The following CADM2 variants were observed in gnomAD, a reference collection of about 807,000 sequenced individuals.
The protein encoded by CADM2 is immunoglobulin superfamily member 4D.
In CADM2, 12 loss-of-function variants were observed where a neutral mutation model predicts 49.8. That is an observed-to-expected ratio of 0.24 (90% CI 0.15 to 0.39). CADM2 has a LOEUF of 0.39. CADM2 is among the 10% of genes least tolerant of loss of function. The pLI is 1.00. For synonymous variants in CADM2, 214 were observed against 175.4 expected, an observed-to-expected ratio of 1.22 and a Z score of -1.74; for missense variants, 378 against 492.3, an observed-to-expected ratio of 0.77 and a Z score of 2.20.
At chr3:85,069,807 A>T (rs977249085) in intron 1 of CADM2, among the ~76,000 whole-genome samples, 2 of 152,262 alleles carry the variant, frequency 1.3e-5, no homozygotes, top group East Asian at 3.9e-4. Flanking sequence ...TCATACAAAT[A>T]TTACCACTGT....
chr3:85,271,804 C>T (rs1365464432), intron 1 of CADM2, among the ~76,000 whole-genome samples: 1 of 150,890 alleles, frequency 6.6e-6, no homozygotes, highest in Non-Finnish European at 1.5e-5. Context: ...ATTAAACTGT[C>T]AAAAAAGAAC....
At chr3:85,617,634 G>A (rs2063834850) in intron 1 of CADM2, among the ~76,000 whole-genome samples, 1 of 152,036 alleles carries the variant, frequency 6.6e-6, no homozygotes, top group South Asian at 2.1e-4. Flanking sequence ...CCTTTCCTCG[G>A]AGTTTGGGGC....
chr3:85,491,884 G>A (rs1380486376), intron 1 of CADM2, among the ~76,000 whole-genome samples: 4 of 151,614 alleles, frequency 2.6e-5, no homozygotes, highest in East Asian at 3.9e-4. Context: ...TCGGGCAGGC[G>A]GAGCTTGCAG....
At chr3:85,238,590 C>A (rs1354487621) in intron 1 of CADM2, among the ~76,000 whole-genome samples, 3 of 151,686 alleles carry the variant, frequency 2.0e-5, no homozygotes, top group Admixed American at 1.3e-4. Context: ...AGATCAACAG[C>A]TTAGATGACA....
At chr3:85,233,474 G>T (rs2042344294) in intron 1 of CADM2, among the ~76,000 whole-genome samples, 1 of 152,014 alleles carries the variant, frequency 6.6e-6, no homozygotes, top group Non-Finnish European at 1.5e-5. Context: ...ACTATGTGAG[G>T]GGAGGTGGAT....
intron 1 of CADM2, among the ~76,000 whole-genome samples, chr3:85,637,621 A>AAATAAAATAAAAT (rs58472713): frequency 0.019 from 2,175 of 114,254 alleles, 154 homozygotes; most frequent in African/African-American, 0.062. Context: ...AAAAAAAAAA[A>AAATAAAATAAAAT]AAAATAAAAT....
intron 1 of CADM2, among the ~76,000 whole-genome samples, chr3:85,254,363 A>T (rs147790175): frequency 2.0e-5 from 3 of 152,024 alleles, no homozygotes; most frequent in Non-Finnish European, 2.9e-5. Context: ...TTTTATGAGG[A>T]CTTCATTGTG....
chr3:85,224,074 G>C (rs534387526), intron 1 of CADM2, among the ~76,000 whole-genome samples: 7 of 152,092 alleles, frequency 4.6e-5, no homozygotes, highest in Admixed American at 3.9e-4. Context: ...ACATGTGCAC[G>C]TATCTTTATA....
At chr3:85,002,379 G>T (rs1456126619) in intron 1 of CADM2, among the ~76,000 whole-genome samples, 1 of 152,012 alleles carries the variant, frequency 6.6e-6, no homozygotes, top group Non-Finnish European at 1.5e-5. Flanking sequence ...ACAGCAAAAA[G>T]AATTTTCTAC....
intron 1 of CADM2, among the ~76,000 whole-genome samples, chr3:85,725,589 C>T (rs953146601): frequency 1.3e-5 from 2 of 151,904 alleles, no homozygotes; most frequent in Admixed American, 6.6e-5. Context: ...TATCTAATTA[C>T]GCATTTTGAA....
At chr3:85,452,665 T>C (rs1294515733) in intron 1 of CADM2, among the ~76,000 whole-genome samples, 5 of 152,164 alleles carry the variant, frequency 3.3e-5, no homozygotes, top group African/African-American at 9.7e-5. Flanking sequence ...TTGGACTCCA[T>C]AGAAATTATC....
intron 1 of CADM2, among the ~76,000 whole-genome samples, chr3:85,271,546 T>A (rs992797296): frequency 2.3e-4 from 34 of 151,098 alleles, no homozygotes; most frequent in Non-Finnish European, 4.4e-4. Context: ...ACACGGAGCA[T>A]AAGTGAGTTG....
chr3:85,918,275 A>G (rs1257224370), intron 6 of CADM2, among the ~76,000 whole-genome samples: 2 of 152,142 alleles, frequency 1.3e-5, no homozygotes, highest in African/African-American at 4.8e-5. Context: ...ATTCAGTATG[A>G]TATTGGCTGT....
intron 3 of CADM2, among the ~76,000 whole-genome samples, chr3:85,824,625 G>A (rs2073800999): frequency 6.6e-6 from 1 of 152,028 alleles, no homozygotes; most frequent in Non-Finnish European, 1.5e-5. Context: ...CACATGGAAA[G>A]GGAAAATCAC....
chr3:85,839,204 G>C (rs1268633274), intron 3 of CADM2, among the ~76,000 whole-genome samples: 1 of 151,762 alleles, frequency 6.6e-6, no homozygotes, highest in Non-Finnish European at 1.5e-5. Flanking sequence ...CATAGGGCCT[G>C]AGAGGAATAA....
chr3:85,457,950 A>G (rs2038067231), intron 1 of CADM2, among the ~76,000 whole-genome samples: 1 of 150,612 alleles, frequency 6.6e-6, no homozygotes, highest in Non-Finnish European at 1.5e-5. Flanking sequence ...CACAGTTATG[A>G]TTAGGTTTTT....
chr3:85,560,738 G>A (rs1256923237), intron 1 of CADM2, among the ~76,000 whole-genome samples: 1 of 152,130 alleles, frequency 6.6e-6, no homozygotes, highest in African/African-American at 2.4e-5. Flanking sequence ...CTGTGGTTTT[G>A]TTACTCATTT....
At chr3:85,351,366 C>T (rs1410484255) in intron 1 of CADM2, among the ~76,000 whole-genome samples, 1 of 152,098 alleles carries the variant, frequency 6.6e-6, no homozygotes, top group African/African-American at 2.4e-5. Flanking sequence ...AAGGATATCA[C>T]ATCAAAATAG....
intron 1 of CADM2, among the ~76,000 whole-genome samples, chr3:85,647,233 T>C (rs2064914796): frequency 6.6e-6 from 1 of 151,846 alleles, no homozygotes; most frequent in Non-Finnish European, 1.5e-5. Flanking sequence ...TTTATTCAAA[T>C]TTATACCACA....
Sources: allele counts gnomAD v4.1 joint callset (sites outside exome capture counted in the v4.1 genomes callset), GRCh38; gene constraint gnomAD v4.1.1; transcripts MANE v1.5; gene names NCBI Gene and HGNC (gene_info 2026-07-23, HGNC 2026-07-21).